Variants in KCNJ6 observed in about 807,000 individuals in gnomAD.
KCNJ6 encodes potassium inwardly rectifying channel subfamily J member 6.
A neutral mutation model predicts 34.2 loss-of-function variants in KCNJ6; 9 were observed. That is an observed-to-expected ratio of 0.26 (90% CI 0.16 to 0.46). The LOEUF (loss-of-function observed/expected upper bound fraction) is 0.46, where lower values mean the gene tolerates loss of function less well. KCNJ6 is among the 20% of genes least tolerant of loss of function. The pLI is 1.00. For synonymous variants in KCNJ6, 196 were observed against 207.1 expected, an observed-to-expected ratio of 0.95 and a Z score of 0.46; for missense variants, 236 against 531.3, an observed-to-expected ratio of 0.44 and a Z score of 5.46.
chr21:37,651,084 G>A (rs1412486431), intron 3 of KCNJ6, among the ~76,000 whole-genome samples: 5 of 152,184 alleles, frequency 3.3e-5, no homozygotes, highest in Non-Finnish European at 7.3e-5. Context: ...TATAAAACTT[G>A]TAATGAGTTT....
At chr21:37,630,407 T>C (rs2054329022) in intron 3 of KCNJ6, among the ~76,000 whole-genome samples, 1 of 152,174 alleles carries the variant, frequency 6.6e-6, no homozygotes, top group Non-Finnish European at 1.5e-5. Flanking sequence ...TGCTTCAATA[T>C]TGGAGGTTCC....
At chr21:37,890,314 G>A (rs1486161694) in intron 1 of KCNJ6, among the ~76,000 whole-genome samples, 3 of 152,258 alleles carry the variant, frequency 2.0e-5, no homozygotes, top group East Asian at 1.9e-4. Flanking sequence ...ATAGCATGAT[G>A]GTAACTGCCC....
At chr21:37,747,144 G>C (rs2054971502) in intron 2 of KCNJ6, among the ~76,000 whole-genome samples, 1 of 152,206 alleles carries the variant, frequency 6.6e-6, no homozygotes, top group African/African-American at 2.4e-5. Context: ...CGCCCTGCCA[G>C]GGTTCAGCAG....
rs2055629196 is a variant in KCNJ6 at position 37,867,554 on chromosome 21, AT to A, written c.-27-26846del. ...ATCTCTGCCTCATCTTTATATAAACATTTGTTTACGTATTTGTACTTTATAT... is the reference window on the plus strand; with the variant it reads ...ATCTCTGCCTCATCTTTATATAAACATTGTTTACGTATTTGTACTTTATAT... On this transcript the variant is annotated intron_variant, in intron 1 of 3. Coordinates refer to ENST00000609713, the MANE Select transcript of KCNJ6 (RefSeq NM_002240.5). Among the ~76,000 whole-genome samples the A allele has an allele frequency of 3.3e-5, 5 of 152,272 alleles. No individual in the cohort carries two copies. In the South Asian group the frequency reaches 1.0e-3, roughly 32 times the overall value.
Position 37,615,352 on chromosome 21 carries a change from C to T in KCNJ6, c.*9807G>A, listed in dbSNP as rs892456604. ...TCGGCTCACTGCAAGCTCCGCTTCC[C>T]GGGTTCACGCCATTCTCCTGCCTCA... On this transcript the variant is annotated 3_prime_UTR_variant, in exon 4 of 4. Transcript: ENST00000609713. 7.3e-5 allele frequency: 11 copies of T among 150,110 alleles called. No individual in the cohort carries two copies. The highest frequency in any genetic ancestry group is 1.3e-4 in the Admixed American group (2 of 14,924). 9.3% of individuals were successfully genotyped at this position (150,110 alleles called of 1,614,324 possible).
chr21:37,623,778 A>G lies in KCNJ6; in HGVS notation c.*1381T>C, dbSNP rs2054299068. On this transcript the variant is annotated 3_prime_UTR_variant, in exon 4 of 4. Transcript: ENST00000609713. ...TCTTAGACAATCATCAAGATTGTTG[A>G]TCTAATCTTTGAATACTGAACTCTG... 1 of 152,202 alleles carries G rather than the reference A, an allele frequency of 6.6e-6. No homozygotes were observed. Among genetic ancestry groups the G allele is most frequent in the African/African-American group, 2.4e-5 (1 of 41,454 alleles). The allele number at this position is 152,202 out of a possible 1,614,324, so 9.4% of individuals were successfully genotyped here. A position where few individuals can be genotyped will look rare whatever the true frequency, so the allele number is the denominator to read the frequency against.
At chr21:37,848,833 G>T (rs558751424) in intron 1 of KCNJ6, among the ~76,000 whole-genome samples, 1 of 152,322 alleles carries the variant, frequency 6.6e-6, no homozygotes, top group East Asian at 1.9e-4. Context: ...GGCTGCCAGA[G>T]TTTCTCCAAA....
chr21:37,748,074 A>T (rs2054976747), intron 2 of KCNJ6, among the ~76,000 whole-genome samples: 2 of 152,292 alleles, frequency 1.3e-5, no homozygotes, highest in African/African-American at 4.8e-5. Context: ...CTTAGTCAGA[A>T]GCAAGACCAG....
rs768804499 is a variant in KCNJ6, at chr21:37,682,268, C to T, written c.946+31943G>A. Among the ~76,000 whole-genome samples the T allele has an allele frequency of 4.6e-5, 7 of 152,300 alleles. No individual in the cohort carries two copies. The East Asian group carries it at 9.6e-4, about 21-fold the overall frequency. ...TACTCTGAAGCCTCTAGAGGAAGGT[C>T]CTTTCTTGCTTCTTCTGGCTTCTCA... On this transcript the variant is annotated intron_variant, in intron 3 of 3. Coordinates refer to ENST00000609713, the MANE Select transcript of KCNJ6 (RefSeq NM_002240.5).
intron 1 of KCNJ6, among the ~76,000 whole-genome samples, chr21:37,873,976 C>T (rs2055665278): frequency 6.6e-6 from 1 of 152,156 alleles, no homozygotes; most frequent in African/African-American, 2.4e-5. Context: ...TCTCCACTCC[C>T]TCTTCAACTT....
intron 2 of KCNJ6, among the ~76,000 whole-genome samples, chr21:37,839,821 T>G (rs1191281564): frequency 6.6e-6 from 1 of 152,218 alleles, no homozygotes; most frequent in East Asian, 1.9e-4. Context: ...TCTTTTATTT[T>G]GAGACCAGGT....
intron 2 of KCNJ6, among the ~76,000 whole-genome samples, chr21:37,728,690 G>A (rs2054868234): frequency 9.0e-6 from 1 of 111,034 alleles, no homozygotes; most frequent in Non-Finnish European, 1.8e-5. Context: ...ATGTGTGTGT[G>A]TGTGTGTGTA....
At chr21:37,650,298 T>A (rs183133504) in intron 3 of KCNJ6, among the ~76,000 whole-genome samples, 2 of 152,332 alleles carry the variant, frequency 1.3e-5, no homozygotes, top group Admixed American at 1.3e-4. Flanking sequence ...AAGCTACCTC[T>A]GGACTGAGTC....
intron 2 of KCNJ6, among the ~76,000 whole-genome samples, chr21:37,742,957 G>A (rs546249625): frequency 6.6e-6 from 1 of 152,264 alleles, no homozygotes; most frequent in East Asian, 1.9e-4. Flanking sequence ...CCCACATGTT[G>A]CCTCTGTTGT....
At chr21:37,672,397 A>T (rs1194502370) in intron 3 of KCNJ6, among the ~76,000 whole-genome samples, 2 of 152,006 alleles carry the variant, frequency 1.3e-5, no homozygotes, top group Non-Finnish European at 2.9e-5. Context: ...GTGATGCAGA[A>T]GGAAGGGAAA....
At chr21:37,678,233 C>T (rs544143703) in intron 3 of KCNJ6, among the ~76,000 whole-genome samples, 12 of 152,152 alleles carry the variant, frequency 7.9e-5, no homozygotes, top group African/African-American at 2.4e-4. Flanking sequence ...GTGAGTGATT[C>T]GTTGGGCTGC....
At chr21:37,702,629 A>AGT (rs1227265292) in intron 3 of KCNJ6, among the ~76,000 whole-genome samples, 1 of 152,202 alleles carries the variant, frequency 6.6e-6, no homozygotes, top group African/African-American at 2.4e-5. Context: ...GGGAGAGGTT[A>AGT]GTACTGAAGA....
chr21:37,818,080 T>C (rs955349136), intron 2 of KCNJ6, among the ~76,000 whole-genome samples: 8 of 152,200 alleles, frequency 5.3e-5, no homozygotes, highest in Admixed American at 2.6e-4. Context: ...TGCTTAAAAA[T>C]ACTTTCTCTG....
chr21:37,663,540 A>T (rs1031776300), intron 3 of KCNJ6, among the ~76,000 whole-genome samples: 2 of 152,214 alleles, frequency 1.3e-5, no homozygotes, highest in African/African-American at 2.4e-5. Context: ...GTTGAAGCTA[A>T]AATAATAGGA....
Sources: gnomAD v4.1 joint callset for allele counts (sites outside exome capture counted in the v4.1 genomes callset) on GRCh38, gnomAD v4.1.1 for gene constraint, MANE v1.5 for transcripts, NCBI Gene and HGNC (gene_info 2026-07-23, HGNC 2026-07-21) for gene names.